The following CCSER1 variants were observed in gnomAD, a reference collection of about 807,000 sequenced individuals.
CCSER1 encodes serine-rich coiled-coil domain-containing protein 1.
CCSER1 carries 41 observed loss-of-function variants against 82.0 expected under a neutral mutation model. That is an observed-to-expected ratio of 0.50 (90% CI 0.39 to 0.65). CCSER1 has a LOEUF of 0.65. Among genes scored for constraint, CCSER1 ranks in the 30% least tolerant of loss-of-function variants. CCSER1 has a pLI of 0.00. For missense variants in CCSER1, 1,119 were observed against 1,064.2 expected (o/e 1.05, Z -0.72); for synonymous variants, 414 against 383.9 (o/e 1.08, Z -0.92).
chr4:90,751,570 A>C (rs1191949146), intron 7 of CCSER1, among the ~76,000 whole-genome samples: 1 of 152,104 alleles, frequency 6.6e-6, no homozygotes, highest in South Asian at 2.1e-4. Flanking sequence ...TACAAAGATT[A>C]ATTGTAGTTA....
intron 10 of CCSER1, among the ~76,000 whole-genome samples, chr4:91,115,857 A>ATG (rs1309431041): frequency 2.3e-4 from 16 of 70,536 alleles, no homozygotes; most frequent in African/African-American, 7.8e-4. Flanking sequence ...ATATATATAT[A>ATG]TATTTTTTTT....
At position 91,507,044 on chromosome 4, in the gene CCSER1, T is replaced by C. The variant is rs190505429; in HGVS notation, c.2218-91528T>C. Among the ~76,000 whole-genome samples the C allele has an allele frequency of 5.1e-3, 783 of 152,318 alleles. 6 individuals are homozygous for C. The highest frequency in any genetic ancestry group is 0.018 in the African/African-American group (747 of 41,570). On this transcript the variant is annotated intron_variant, in intron 10 of 10. Coordinates refer to ENST00000509176, the MANE Select transcript of CCSER1 (RefSeq NM_001145065.2). ...TGTATCATTACTCAGTTGATGAAAA[T>C]ATGAATTATTTTCACTTTTTACTAT... is the stretch of plus-strand genomic sequence containing the variant.
intron 10 of CCSER1, among the ~76,000 whole-genome samples, chr4:91,576,859 C>T (rs967103468): frequency 6.6e-6 from 1 of 151,782 alleles, no homozygotes; most frequent in Non-Finnish European, 1.5e-5. Flanking sequence ...AATACTTAAC[C>T]TATATTTTCA....
At chr4:90,248,909 A>G (rs1417464181) in intron 1 of CCSER1, among the ~76,000 whole-genome samples, 3 of 152,074 alleles carry the variant, frequency 2.0e-5, no homozygotes, top group Non-Finnish European at 4.4e-5. Context: ...CATGTTGCCC[A>G]GGCTGATCTC....
intron 8 of CCSER1, among the ~76,000 whole-genome samples, chr4:90,923,121 A>G (rs759935219): frequency 5.3e-5 from 8 of 152,176 alleles, no homozygotes; most frequent in Non-Finnish European, 1.2e-4. Context: ...TTATGACTCT[A>G]CTGTTGAACT....
chr4:91,286,808 T>G (rs1743312358), intron 10 of CCSER1, among the ~76,000 whole-genome samples: 1 of 151,878 alleles, frequency 6.6e-6, no homozygotes, highest in African/African-American at 2.4e-5. Flanking sequence ...AGTTTCGTAA[T>G]GTATTCAACA....
chr4:91,401,323 GTA>G (rs1348397147), intron 10 of CCSER1, among the ~76,000 whole-genome samples: 1 of 147,684 alleles, frequency 6.8e-6, no homozygotes, highest in Non-Finnish European at 1.5e-5. Flanking sequence ...TAGATATACT[GTA>G]TATATATTAC....
chr4:90,255,262 C>T (rs927073496), intron 1 of CCSER1, among the ~76,000 whole-genome samples: 2 of 151,884 alleles, frequency 1.3e-5, no homozygotes, highest in African/African-American at 4.8e-5. Context: ...ATAAGCATAA[C>T]CATATATTTT....
At chr4:90,194,228 T>G (rs543733099) in intron 1 of CCSER1, among the ~76,000 whole-genome samples, 2 of 152,208 alleles carry the variant, frequency 1.3e-5, no homozygotes, top group African/African-American at 4.8e-5. Flanking sequence ...TGCAACTTAT[T>G]TAACATAAGC....
At chr4:91,229,035 G>C (rs1738416741) in intron 10 of CCSER1, among the ~76,000 whole-genome samples, 1 of 152,154 alleles carries the variant, frequency 6.6e-6, no homozygotes, top group Non-Finnish European at 1.5e-5. Context: ...ACAGCAAGCT[G>C]TAGAGCGGGC....
chr4:91,208,612 C>T (rs1736542323), intron 10 of CCSER1, among the ~76,000 whole-genome samples: 1 of 151,746 alleles, frequency 6.6e-6, no homozygotes, highest in Admixed American at 6.6e-5. Flanking sequence ...TAGTACCATG[C>T]TGTTTCGGTT....
Position 90,947,856 on chromosome 4 carries a change from A to G in CCSER1, c.2172+24409A>G, listed in dbSNP as rs181221919. Among the ~76,000 whole-genome samples the G allele has an allele frequency of 8.1e-3, 1,237 of 152,240 alleles. 27 individuals carry two copies. The highest frequency in any genetic ancestry group is 0.028 in the African/African-American group (1,181 of 41,570). ...AATATGCTTTGCTTGATCCAGAAAT[A>G]GATAATTTGCATCAACTGAAAAAAT... On this transcript the variant is annotated intron_variant, in intron 9 of 10. Transcript: ENST00000509176.
chr4:90,696,194 T>C (rs1736972225), intron 6 of CCSER1, among the ~76,000 whole-genome samples: 1 of 152,138 alleles, frequency 6.6e-6, no homozygotes, highest in Non-Finnish European at 1.5e-5. Context: ...GTGAATAATG[T>C]CTATAGATTT....
At chr4:90,939,832 T>G (rs917301559) in intron 9 of CCSER1, among the ~76,000 whole-genome samples, 4 of 152,156 alleles carry the variant, frequency 2.6e-5, no homozygotes, top group African/African-American at 9.6e-5. Context: ...CCCTTGTTGA[T>G]TTTGCCTCTT....
intron 1 of CCSER1, among the ~76,000 whole-genome samples, chr4:90,272,446 T>C (rs577118606): frequency 1.3e-5 from 2 of 152,158 alleles, no homozygotes; most frequent in South Asian, 2.1e-4. Context: ...GAAACTCTCA[T>C]GCGCTGTTGG....
intron 4 of CCSER1, among the ~76,000 whole-genome samples, chr4:90,414,357 A>AT (rs1578359882): frequency 2.0e-5 from 3 of 152,014 alleles, no homozygotes; most frequent in South Asian, 4.2e-4. Flanking sequence ...TCTGGAAACC[A>AT]TTTTTTGTGA....
chr4:90,702,704 G>A (rs947526778), intron 6 of CCSER1, among the ~76,000 whole-genome samples: 1 of 151,910 alleles, frequency 6.6e-6, no homozygotes, highest in Non-Finnish European at 1.5e-5. Context: ...GTCTTGGGAG[G>A]GTGTATGTGT....
chr4:90,790,142 C>A (rs1171986193), intron 7 of CCSER1, among the ~76,000 whole-genome samples: 2 of 152,166 alleles, frequency 1.3e-5, no homozygotes, highest in African/African-American at 4.8e-5. Context: ...TTAATTATTT[C>A]TGTGTGAATT....
At chr4:90,305,133 G>A (rs900097535) in intron 1 of CCSER1, among the ~76,000 whole-genome samples, 1 of 152,092 alleles carries the variant, frequency 6.6e-6, no homozygotes, top group Non-Finnish European at 1.5e-5. Flanking sequence ...AGCCAGGATG[G>A]TCTCAATCTC....
Sources: allele counts gnomAD v4.1 joint callset (sites outside exome capture counted in the v4.1 genomes callset), GRCh38; gene constraint gnomAD v4.1.1; transcripts MANE v1.5; gene names NCBI Gene and HGNC (gene_info 2026-07-23, HGNC 2026-07-21).